VKORC1L1: variants seen among roughly 807,000 people sequenced by gnomAD.
VKORC1L1 encodes vitamin K epoxide reductase complex subunit 1-like protein 1.
In VKORC1L1, 2 loss-of-function variants were observed where a neutral mutation model predicts 18.9. The ratio of observed to expected loss-of-function variants is 0.11; its 90% CI spans 0.04 to 0.33. The LOEUF is 0.33. VKORC1L1 is among the 10% of genes least tolerant of loss of function. The pLI is 1.00. For synonymous variants in VKORC1L1, 96 were observed against 100.0 expected (o/e 0.96, Z 0.24); for missense variants, 123 against 224.1 (o/e 0.55, Z 2.88).
intron 1 of VKORC1L1, among the ~76,000 whole-genome samples, chr7:65,897,525 A>C (rs1245959971): frequency 1.3e-5 from 2 of 152,300 alleles, no homozygotes; most frequent in East Asian, 3.9e-4. Flanking sequence ...AGAATGAATG[A>C]ATTACAGTTC....
intron 1 of VKORC1L1, among the ~76,000 whole-genome samples, chr7:65,921,194 T>C (rs1306737677): frequency 2.0e-5 from 3 of 152,220 alleles, no homozygotes; most frequent in African/African-American, 7.2e-5. Flanking sequence ...TTGATAGTAG[T>C]ATTTTTAGTA....
chr7:65,898,608 G>A (rs1388313690), intron 1 of VKORC1L1, among the ~76,000 whole-genome samples: 1 of 152,178 alleles, frequency 6.6e-6, no homozygotes, highest in African/African-American at 2.4e-5. Context: ...TGTCTCTGAG[G>A]AGTGGAACCG....
At chr7:65,865,996 T>A in the VKORC1L1 span, among the ~76,000 whole-genome samples, 1 of 151,886 alleles carries the variant, frequency 6.6e-6, no homozygotes, top group Non-Finnish European at 1.5e-5. Flanking sequence ...GGCACATGCC[T>A]GTAATCCCAG....
At chr7:65,892,953 A>C (rs1331005189) in intron 1 of VKORC1L1, among the ~76,000 whole-genome samples, 1 of 152,190 alleles carries the variant, frequency 6.6e-6, no homozygotes, top group African/African-American at 2.4e-5. Context: ...TGATAGTAAC[A>C]CTTGGTTGTT....
intron 1 of VKORC1L1, among the ~76,000 whole-genome samples, chr7:65,895,480 AATATATATATATAT>A (rs1162173957): frequency 0.032 from 1,355 of 42,644 alleles, 33 homozygotes; most frequent in South Asian, 0.039. Flanking sequence ...AAAAAAAAAA[AATATATATATATAT>A]ATATATATAT....
intron 1 of VKORC1L1, among the ~76,000 whole-genome samples, chr7:65,939,908 A>G (rs1790006568): frequency 6.6e-6 from 1 of 152,160 alleles, no homozygotes; most frequent in Non-Finnish European, 1.5e-5. Flanking sequence ...TCCAACAAAG[A>G]ATTTTAATGT....
rs116052038 is a variant in VKORC1L1 at position 65,896,224 on chromosome 7, T to C, written c.194+22659T>C. 5.2e-3 allele frequency among the ~76,000 whole-genome samples: 798 copies of C among 152,148 alleles called. 7 individuals are homozygous for C. The highest frequency in any genetic ancestry group is 0.018 in the African/African-American group (735 of 41,524). On this transcript the variant is annotated intron_variant, in intron 1 of 2. Coordinates refer to ENST00000360768, the MANE Select transcript of VKORC1L1 (RefSeq NM_173517.6). ...CAGCCATTATCTCACTTCTTTTGTT[T>C]AACATGTCTATGAGATTTATTTATG...
Position 65,954,384 on chromosome 7 carries a change from A to ATTATTG in VKORC1L1, c.*89_*90insGTTATT. On this transcript the variant is annotated 3_prime_UTR_variant, in exon 3 of 3. Transcript: ENST00000360768. Reference sequence around the variant, plus strand: ...GCAGGTTTTTATTATTATTATTATTATTATTATTCACAACAGACACTTTCC... The same window carrying ATTATTG: ...GCAGGTTTTTATTATTATTATTATTATTATTGTTATTATTCACAACAGACACTTTCC... 6 of 1,480,010 alleles carry ATTATTG rather than the reference A, an allele frequency of 4.1e-6. No homozygotes were observed. The highest frequency in any genetic ancestry group is 1.4e-5 in the African/African-American group (1 of 70,408). 91.7% of individuals were successfully genotyped at this position (1,480,010 alleles called of 1,614,324 possible).
At chr7:65,869,646 T>TG (rs1429017803), upstream of VKORC1L1, among the ~76,000 whole-genome samples, 2 of 142,706 alleles carry the variant, frequency 1.4e-5, no homozygotes, top group African/African-American at 2.6e-5. Context: ...CATTCTTTTT[T>TG]TTTTTTTTTT....
At chr7:65,924,955 A>G (rs1789736405) in intron 1 of VKORC1L1, among the ~76,000 whole-genome samples, 1 of 151,668 alleles carries the variant, frequency 6.6e-6, no homozygotes, top group Non-Finnish European at 1.5e-5. Context: ...CATCACCTTC[A>G]TGGGTGCTTT....
At chr7:65,921,941 C>T (rs1789683271) in intron 1 of VKORC1L1, among the ~76,000 whole-genome samples, 2 of 152,106 alleles carry the variant, frequency 1.3e-5, no homozygotes, top group South Asian at 4.1e-4. Flanking sequence ...TCAACCTTGG[C>T]CTCCCAACGT....
chr7:65,926,087 G>C (rs1438930495), intron 1 of VKORC1L1, among the ~76,000 whole-genome samples: 1 of 147,708 alleles, frequency 6.8e-6, no homozygotes, highest in Non-Finnish European at 1.5e-5. Flanking sequence ...ACATATGTTG[G>C]GTGTTGACAA....
chr7:65,951,312 A>G (rs1191053392), intron 2 of VKORC1L1, among the ~76,000 whole-genome samples: 1 of 152,236 alleles, frequency 6.6e-6, no homozygotes, highest in Non-Finnish European at 1.5e-5. Flanking sequence ...ACAGTGGCTC[A>G]TGCCAATAAT....
At chr7:65,882,048 C>G (rs1583822114) in intron 1 of VKORC1L1, among the ~76,000 whole-genome samples, 2 of 150,954 alleles carry the variant, frequency 1.3e-5, no homozygotes, top group Non-Finnish European at 2.9e-5. Flanking sequence ...CCACTGCACT[C>G]CAGCCTGAGC....
intron 1 of VKORC1L1, among the ~76,000 whole-genome samples, chr7:65,892,303 CA>C (rs1789121896): frequency 6.6e-6 from 1 of 152,136 alleles, no homozygotes; most frequent in Admixed American, 6.6e-5. Context: ...GGTGTATACC[CA>C]GTAGCAGGAT....
intron 1 of VKORC1L1, 41 bp from the exon 2 acceptor site, chr7:65,948,630 G>T (rs1241089583): frequency 1.4e-6 from 1 of 704,262 alleles, no homozygotes; most frequent in East Asian, 2.9e-5. Flanking sequence ...TTAAAATAGG[G>T]AAATTCAAAT....
intron 1 of VKORC1L1, among the ~76,000 whole-genome samples, chr7:65,912,325 T>G (rs1368826557): frequency 2.0e-5 from 3 of 152,212 alleles, no homozygotes; most frequent in Non-Finnish European, 4.4e-5. Context: ...CTGTAGAATA[T>G]TGTTTTTTCT....
chr7:65,929,680 G>GTATATATATATATATATATATATATATA (rs150255530), intron 1 of VKORC1L1, among the ~76,000 whole-genome samples: 25 of 103,768 alleles, frequency 2.4e-4, no homozygotes, highest in East Asian at 5.5e-4. Context: ...ATGTGTGTGT[G>GTATATATATATATATATATATATATATA]TGTATATATA....
At chr7:65,948,106 A>G (rs924690114) in intron 1 of VKORC1L1, among the ~76,000 whole-genome samples, 2 of 152,280 alleles carry the variant, frequency 1.3e-5, no homozygotes, top group African/African-American at 2.4e-5. Flanking sequence ...CTTACATTCT[A>G]TGGTTTTCAA....
Sources: gnomAD v4.1 joint callset for allele counts (sites outside exome capture counted in the v4.1 genomes callset) on GRCh38, gnomAD v4.1.1 for gene constraint, MANE v1.5 for transcripts, NCBI Gene and HGNC (gene_info 2026-07-23, HGNC 2026-07-21) for gene names.